The following RB1 variants were observed in gnomAD, a reference collection of about 807,000 sequenced individuals.
RB1 encodes the protein retinoblastoma-associated protein.
Under a neutral mutation model 135.4 loss-of-function variants are expected in RB1, and 18 were observed. The observed-to-expected ratio is 0.13, with a 90% CI of 0.09 to 0.20. RB1 has a LOEUF of 0.20. Among genes scored for constraint, RB1 ranks in the 10% least tolerant of loss-of-function variants. RB1 has a pLI of 1.00. For missense variants in RB1, 868 were observed against 1,110.0 expected, an observed-to-expected ratio of 0.78 and a Z score of 3.10; for synonymous variants, 365 against 373.2, an observed-to-expected ratio of 0.98 and a Z score of 0.25.
rs781740936 is a variant in RB1 at position 48,477,396 on chromosome 13, C to A, written c.2705C>A (p.Ala902Glu). The A allele has an allele frequency of 1.9e-6, 3 of 1,607,184 alleles. No individual in the cohort carries two copies. The South Asian group carries it at 3.3e-5, about 18-fold the overall frequency. ...PGESKFQQKL[A>E]EMTSTRTRMQ... ...GAGTCCAAATTTCAGCAGAAACTGG[C>A]AGAAATGAGTAAGTACTTTTTTCAC... is the stretch of plus-strand genomic sequence containing the variant. The change falls in exon 26 of 27, where the codon GCA (alanine) becomes GAA (glutamate). Residue 902 changes from alanine to glutamate, a missense_variant. Physicochemically the swap from Ala to Glu is moderately radical, Grantham distance 107. Around this residue, in one of 3 missense-constraint regions of RB1, gnomAD observed 196 missense variants for 239.8 expected, o/e 0.82. Coordinates refer to ENST00000267163, the MANE Select transcript of RB1 (RefSeq NM_000321.3).
At chr13:48,475,733 T>G (rs1164335716) in intron 24 of RB1, among the ~76,000 whole-genome samples, 1 of 152,190 alleles carries the variant, frequency 6.6e-6, no homozygotes, top group Admixed American at 6.5e-5. Flanking sequence ...TTGGGAGCCA[T>G]CTGAGAGGCT....
chr13:48,345,147 A>G lies in RB1; in HGVS notation c.448A>G (p.Arg150Gly), dbSNP rs2138087560. The G allele has an allele frequency of 1.2e-6, 2 of 1,613,038 alleles. No individual in the cohort carries two copies. Among genetic ancestry groups the G allele is most frequent in the African/African-American group, 2.7e-5 (2 of 75,040 alleles). ...TSTKVDNAMS[R>G]LLKKYDVLFA... ...TACCAAAGTTGATAATGCTATGTCA[A>G]GACTGTTGAAGAAGTATGATGTATT... Residue 150 changes from arginine (R) to glycine (G), a missense_variant, in exon 4 of 27, where the codon AGA becomes GGA. Transcript: ENST00000267163.
At chr13:48,340,552 T>C (rs1415121107) in intron 2 of RB1, among the ~76,000 whole-genome samples, 3 of 144,242 alleles carry the variant, frequency 2.1e-5, no homozygotes, top group African/African-American at 7.9e-5. Context: ...TTTTAGCAAC[T>C]TTCGCTTCAT....
intron 2 of RB1, among the ~76,000 whole-genome samples, chr13:48,316,000 C>T (rs955357504): frequency 6.6e-6 from 1 of 152,136 alleles, no homozygotes; most frequent in South Asian, 2.1e-4. Context: ...GCATCCTCGC[C>T]AACATCTATT....
chr13:48,433,504 T>A (rs1256788171), intron 17 of RB1, among the ~76,000 whole-genome samples: 1 of 152,104 alleles, frequency 6.6e-6, no homozygotes, highest in South Asian at 2.1e-4. Flanking sequence ...CTGTAAAAAA[T>A]TTTTGTTCAG....
chr13:48,400,277 T>C (rs925085100), intron 17 of RB1, among the ~76,000 whole-genome samples: 1 of 152,116 alleles, frequency 6.6e-6, no homozygotes, highest in Non-Finnish European at 1.5e-5. Flanking sequence ...GTGTATTAAC[T>C]CATAACTTCT....
chr13:48,332,496 A>G (rs1240317935), intron 2 of RB1, among the ~76,000 whole-genome samples: 3 of 152,206 alleles, frequency 2.0e-5, no homozygotes, highest in Non-Finnish European at 4.4e-5. Context: ...TTGTGCACCC[A>G]GGAGGTTGAG....
At chr13:48,463,914 T>A in intron 21 of RB1, 79 bp downstream of exon 21, 22 of 857,782 alleles carry the variant, frequency 2.6e-5, no homozygotes, top group Non-Finnish European at 4.0e-5. Flanking sequence ...TGATCTCATT[T>A]ATTCATTAAT....
intron 12 of RB1, among the ~76,000 whole-genome samples, chr13:48,374,641 T>C (rs1189060262): frequency 6.6e-6 from 1 of 152,212 alleles, no homozygotes; most frequent in African/African-American, 2.4e-5. Flanking sequence ...AAAACATATG[T>C]ACCCCAATTA....
chr13:48,369,112 A>G (rs1039614868), intron 11 of RB1, among the ~76,000 whole-genome samples: 8 of 152,248 alleles, frequency 5.3e-5, no homozygotes, highest in African/African-American at 1.9e-4. Flanking sequence ...AACATAACCT[A>G]AAATAGGAAT....
At chr13:48,443,452 A>G (rs1024215393) in intron 17 of RB1, among the ~76,000 whole-genome samples, 44 of 152,320 alleles carry the variant, frequency 2.9e-4, no homozygotes, top group Middle Eastern at 3.4e-3. Flanking sequence ...TTTCTAATGT[A>G]TTAAGTCACA....
chr13:48,369,398 G>C (rs1024262990), intron 11 of RB1, among the ~76,000 whole-genome samples: 3 of 152,024 alleles, frequency 2.0e-5, no homozygotes, highest in Non-Finnish European at 4.4e-5. Context: ...TGCTCCTTCT[G>C]GTCTCATCAT....
At chr13:48,383,504 T>C (rs1407354209) in intron 17 of RB1, among the ~76,000 whole-genome samples, 1 of 152,102 alleles carries the variant, frequency 6.6e-6, no homozygotes, top group Non-Finnish European at 1.5e-5. Flanking sequence ...ATTAAGACTT[T>C]AGGTATGCCA....
At chr13:48,372,563 A>C (rs1477454492) in intron 11 of RB1, among the ~76,000 whole-genome samples, 1 of 151,992 alleles carries the variant, frequency 6.6e-6, no homozygotes, top group African/African-American at 2.4e-5. Context: ...AGGCAGGAGA[A>C]TCACTTGAAC....
At chr13:48,441,514 G>A (rs1271003797) in intron 17 of RB1, among the ~76,000 whole-genome samples, 1 of 152,054 alleles carries the variant, frequency 6.6e-6, no homozygotes, top group African/African-American at 2.4e-5. Flanking sequence ...ATCTAGTTCT[G>A]TTTCAGAATT....
intron 5 of RB1, among the ~76,000 whole-genome samples, 166 bp downstream of exon 5, chr13:48,348,029 G>C (rs1000750832): frequency 6.6e-6 from 1 of 151,334 alleles, no homozygotes; most frequent in Non-Finnish European, 1.5e-5. Context: ...TTCTCACAAA[G>C]AAAATAGTAT....
At chr13:48,465,699 GCGCAC>G (rs1949437237) in intron 23 of RB1, among the ~76,000 whole-genome samples, 1 of 151,460 alleles carries the variant, frequency 6.6e-6, no homozygotes, top group South Asian at 2.1e-4. Context: ...CAGTGTGTGT[GCGCAC>G]CGTGTGCGAG....
At chr13:48,334,680 A>G (rs1438931934) in intron 2 of RB1, among the ~76,000 whole-genome samples, 1 of 152,188 alleles carries the variant, frequency 6.6e-6, no homozygotes, top group Non-Finnish European at 1.5e-5. Context: ...CAGCATACAT[A>G]GTAGTACTTT....
At chr13:48,443,008 A>C (rs997526514) in intron 17 of RB1, among the ~76,000 whole-genome samples, 17 of 152,136 alleles carry the variant, frequency 1.1e-4, no homozygotes, top group Non-Finnish European at 2.2e-4. Flanking sequence ...GATATCAATT[A>C]ATAAATCCAC....
Sources: allele counts gnomAD v4.1 joint callset (sites outside exome capture counted in the v4.1 genomes callset), GRCh38; gene constraint gnomAD v4.1.1; regional missense constraint gnomAD v4.1.1; transcripts MANE v1.5; gene names NCBI Gene and HGNC (gene_info 2026-07-23, HGNC 2026-07-21).